GPC6: variants seen among roughly 807,000 people sequenced by gnomAD.
GPC6 encodes glypican 6.
GPC6 carries 14 observed loss-of-function variants against 55.2 expected under a neutral mutation model. The ratio of observed to expected loss-of-function variants is 0.25; its 90% confidence interval spans 0.17 to 0.40. The LOEUF (loss-of-function observed/expected upper bound fraction) is 0.40. Among genes scored for constraint, GPC6 ranks in the 10% least tolerant of loss-of-function variants. GPC6 has a pLI of 1.00. For missense variants in GPC6, 641 were observed against 708.5 expected (o/e 0.90, Z 1.08); for synonymous variants, 278 against 259.6 (o/e 1.07, Z -0.68).
intron 2 of GPC6, among the ~76,000 whole-genome samples, chr13:93,602,016 G>C (rs1288800347): frequency 2.0e-5 from 3 of 152,190 alleles, no homozygotes; most frequent in African/African-American, 7.2e-5. Context: ...GTTTGGGAAA[G>C]TTAATGGCCC....
At chr13:93,721,189 TG>T (rs1883443660) in intron 2 of GPC6, among the ~76,000 whole-genome samples, 1 of 152,012 alleles carries the variant, frequency 6.6e-6, no homozygotes, top group Admixed American at 6.6e-5. Context: ...TATTATTGTG[TG>T]GGAGTCTAAG....
chr13:93,975,226 AT>A (rs954285151), intron 3 of GPC6, among the ~76,000 whole-genome samples: 20 of 152,164 alleles, frequency 1.3e-4, no homozygotes, highest in African/African-American at 4.6e-4. Context: ...TGATACAAAA[AT>A]TTTTTTAATC....
At chr13:93,301,525 T>C (rs1005498371) in intron 1 of GPC6, among the ~76,000 whole-genome samples, 1 of 152,206 alleles carries the variant, frequency 6.6e-6, no homozygotes, top group African/African-American at 2.4e-5. Flanking sequence ...TAGTTAATTT[T>C]ATGCAGTCTG....
chr13:93,430,503 A>G (rs1379031076), intron 1 of GPC6, among the ~76,000 whole-genome samples: 2 of 152,110 alleles, frequency 1.3e-5, no homozygotes, highest in African/African-American at 4.8e-5. Context: ...GAAAACAGTA[A>G]GTGGGAAGAG....
rs539604510 is a variant in GPC6, at chr13:94,314,281, T to C, written c.1152+8158T>C. Among the ~76,000 whole-genome samples the C allele has an allele frequency of 3.9e-5, 6 of 152,344 alleles. No homozygotes were observed. The South Asian group carries it at 1.0e-3, about 26-fold the overall frequency. On this transcript the variant is annotated intron_variant, in intron 6 of 8. Transcript: ENST00000377047. Reference sequence around the variant, plus strand: ...CAAAAAAGAATATGTAGAAGGCATATTAACAAATGAATAATCATTGGCCAA... The same window carrying C: ...CAAAAAAGAATATGTAGAAGGCATACTAACAAATGAATAATCATTGGCCAA...
Position 93,703,684 on chromosome 13 carries a change from A to G in GPC6, c.320-126470A>G, listed in dbSNP as rs1594385477. ...GAAAGTAACAAAGATATCTAAACTT[A>G]TGACAAGTTAAAAATGGTAAATGCT... On this transcript the variant is annotated intron_variant, in intron 2 of 8. Coordinates refer to ENST00000377047, the MANE Select transcript of GPC6 (RefSeq NM_005708.5). 2.0e-5 allele frequency among the ~76,000 whole-genome samples: 3 copies of G among 152,100 alleles called. No homozygotes were observed. In the South Asian group the frequency reaches 6.2e-4, roughly 32 times the overall value.
At position 93,285,428 on chromosome 13, in the gene GPC6, G is replaced by A. The variant is rs577892075; in HGVS notation, c.160+57812G>A. On this transcript the variant is annotated intron_variant, in intron 1 of 8. Coordinates refer to ENST00000377047, the MANE Select transcript of GPC6 (RefSeq NM_005708.5). ...AATATCTGGAATAGGAAGTAATTTC[G>A]TAAGCCAAGCAATGATGTCTGTGCA... 5.3e-5 allele frequency among the ~76,000 whole-genome samples: 8 copies of A among 152,172 alleles called. No homozygotes were observed. In the East Asian group the frequency reaches 5.8e-4, roughly 11 times the overall value.
At chr13:93,450,726 T>A (rs2139300993) in intron 1 of GPC6, 1 of 974,470 alleles carries the variant, frequency 1.0e-6, no homozygotes, top group Admixed American at 6.1e-5. Flanking sequence ...AGTGGCTGTA[T>A]TTCATAAAAT....
chr13:93,877,053 A>G (rs1211186369), intron 3 of GPC6, among the ~76,000 whole-genome samples: 1 of 152,096 alleles, frequency 6.6e-6, no homozygotes, highest in East Asian at 1.9e-4. Context: ...AATTGTAGGA[A>G]TGGGTATATC....
chr13:94,081,810 C>T (rs1885105317), intron 4 of GPC6, among the ~76,000 whole-genome samples: 1 of 151,086 alleles, frequency 6.6e-6, no homozygotes, highest in Non-Finnish European at 1.5e-5. Context: ...ATCTCCTTCC[C>T]AACTACTCCA....
intron 3 of GPC6, among the ~76,000 whole-genome samples, chr13:93,987,787 T>A (rs1174817856): frequency 1.3e-5 from 2 of 152,198 alleles, no homozygotes. Context: ...GTACATTTAT[T>A]CTTTGCTTTA....
At chr13:93,255,238 T>C (rs1000122872) in intron 1 of GPC6, among the ~76,000 whole-genome samples, 1 of 152,228 alleles carries the variant, frequency 6.6e-6, no homozygotes, top group African/African-American at 2.4e-5. Context: ...TGCACATAGT[T>C]TTCGGGTACG....
chr13:94,369,633 A>G (rs1483081768), intron 6 of GPC6, among the ~76,000 whole-genome samples: 1 of 152,196 alleles, frequency 6.6e-6, no homozygotes, highest in Admixed American at 6.5e-5. Context: ...AAGGTTTTTG[A>G]GGTCCCCCAG....
In GPC6 at chr13:93,848,146, G is replaced by A. The variant is rs1888264860; in HGVS notation, c.711+17601G>A. 2.0e-5 allele frequency among the ~76,000 whole-genome samples: 3 copies of A among 152,066 alleles called. No individual in the cohort carries two copies. In the South Asian group the frequency reaches 6.2e-4, roughly 32 times the overall value. On this transcript the variant is annotated intron_variant, in intron 3 of 8. Coordinates refer to ENST00000377047, the MANE Select transcript of GPC6 (RefSeq NM_005708.5). ...TCACTTCTGAGTCAAAAATCTTTTT[G>A]AGAGATTACAAGTATGTCAGAGTAT...
intron 3 of GPC6, among the ~76,000 whole-genome samples, chr13:93,878,114 G>T (rs1594548541): frequency 6.6e-6 from 1 of 152,018 alleles, no homozygotes; most frequent in African/African-American, 2.4e-5. Flanking sequence ...AGAATTTTAG[G>T]TTGAATGAGT....
At chr13:93,645,070 A>G (rs929909290) in intron 2 of GPC6, among the ~76,000 whole-genome samples, 1 of 152,136 alleles carries the variant, frequency 6.6e-6, no homozygotes, top group Non-Finnish European at 1.5e-5. Flanking sequence ...GAGTGGAGAA[A>G]GAGGATAAGA....
intron 1 of GPC6, among the ~76,000 whole-genome samples, chr13:93,329,922 A>T (rs1879785809): frequency 6.6e-6 from 1 of 152,220 alleles, no homozygotes; most frequent in Non-Finnish European, 1.5e-5. Context: ...TACATTAAGG[A>T]AATTCAAGAA....
intron 2 of GPC6, among the ~76,000 whole-genome samples, chr13:93,716,903 T>C (rs1369597118): frequency 6.6e-6 from 1 of 151,702 alleles, no homozygotes; most frequent in Non-Finnish European, 1.5e-5. Flanking sequence ...TACTGTATCT[T>C]TTCTGTGTCT....
At chr13:93,802,220 C>T (rs1307058702) in intron 2 of GPC6, among the ~76,000 whole-genome samples, 9 of 151,862 alleles carry the variant, frequency 5.9e-5, no homozygotes, top group Non-Finnish European at 1.0e-4. Flanking sequence ...CATCTTGTTC[C>T]AAAATATGGC....
Sources: gnomAD v4.1 joint callset for allele counts (sites outside exome capture counted in the v4.1 genomes callset) on GRCh38, gnomAD v4.1.1 for gene constraint, MANE v1.5 for transcripts, NCBI Gene and HGNC (gene_info 2026-07-23, HGNC 2026-07-21) for gene names.